The following PAK3 variants were observed in gnomAD, a reference collection of about 807,000 sequenced individuals.
PAK3 encodes the protein p21 (RAC1) activated kinase 3.
PAK3 carries 4 observed loss-of-function variants against 41.0 expected under a neutral mutation model. The observed-to-expected ratio is 0.10, with a 90% CI of 0.05 to 0.22. The LOEUF (loss-of-function observed/expected upper bound fraction) is 0.22, where lower values mean the gene tolerates loss of function less well. Among genes scored for constraint, PAK3 ranks in the 10% least tolerant of loss-of-function variants. The pLI is 1.00. For missense variants in PAK3, 205 were observed against 409.9 expected, an observed-to-expected ratio of 0.50 and a Z score of 4.32; for synonymous variants, 146 against 139.6, an observed-to-expected ratio of 1.05 and a Z score of -0.32.
intron 5 of PAK3, among the ~76,000 whole-genome samples, chrX:111,126,049 T>A (rs957490504): frequency 9.0e-6 from 1 of 111,482 alleles, no homozygotes; most frequent in Admixed American, 9.5e-5. Context: ...GGATTCGACT[T>A]CACTGACTCT....
chrX:111,208,519 T>G (rs1238571653), intron 16 of PAK3, among the ~76,000 whole-genome samples: 1 of 111,895 alleles, frequency 8.9e-6, no homozygotes, highest in Non-Finnish European at 1.9e-5. Flanking sequence ...TACTGTACTT[T>G]TTCTATTTTT....
rs778156732 is a variant in PAK3, at chrX:111,221,312, C to G, written c.*865C>G. ...TCCTTAATACCTGAAAGAGGACACA[C>G]TGAAACTGAAACTGTGACATCCTGC... is the stretch of plus-strand genomic sequence containing the variant. On this transcript the variant is annotated 3_prime_UTR_variant, in exon 18 of 18. Transcript: ENST00000372007. 5.2e-5 allele frequency: 5 copies of G among 96,628 alleles called. No homozygotes were observed. Among genetic ancestry groups the G allele is most frequent in the African/African-American group, 2.3e-4 (4 of 17,110 alleles). 8.0% of individuals were successfully genotyped at this position (96,628 alleles called of 1,213,427 possible).
At chrX:111,173,158 G>C (rs2094365883) in intron 11 of PAK3, 77 bp downstream of exon 11, 1 of 543,681 alleles carries the variant, frequency 1.8e-6, no homozygotes, top group African/African-American at 2.3e-5. Context: ...GTAAGAGCTT[G>C]GGTTTCTGGT....
intron 6 of PAK3, 88 bp from the exon 7 acceptor site, chrX:111,147,649 G>A: frequency 1.5e-6 from 1 of 649,324 alleles, no homozygotes; most frequent in South Asian, 2.2e-5. Flanking sequence ...AGGTAGCATG[G>A]GCTTCTTGGT....
chrX:110,965,168 C>T (rs988668441), intron 1 of PAK3, among the ~76,000 whole-genome samples: 1 of 112,491 alleles, frequency 8.9e-6, no homozygotes, highest in Non-Finnish European at 1.9e-5. Context: ...TTTCTGGCCA[C>T]AGTGAGGCTG....
At chrX:111,106,481 C>T (rs867698574) in intron 4 of PAK3, among the ~76,000 whole-genome samples, 2 of 111,548 alleles carry the variant, frequency 1.8e-5, no homozygotes, top group African/African-American at 6.5e-5. Context: ...CGTAATCCAC[C>T]ATGTACTCTT....
intron 1 of PAK3, among the ~76,000 whole-genome samples, chrX:111,004,939 T>C (rs1306466782): frequency 8.9e-6 from 1 of 112,373 alleles, no homozygotes; most frequent in Non-Finnish European, 1.9e-5. Context: ...GGAAAGATAC[T>C]AACAGCTCAC....
chrX:110,971,551 A>C (rs750552310), intron 1 of PAK3, among the ~76,000 whole-genome samples: 1 of 112,030 alleles, frequency 8.9e-6, no homozygotes, highest in Admixed American at 9.5e-5. Context: ...ATTGAGTTAC[A>C]AGAGTTCTTT....
At chrX:111,202,759 A>G (rs2094698094) in intron 16 of PAK3, among the ~76,000 whole-genome samples, 1 of 111,684 alleles carries the variant, frequency 9.0e-6, no homozygotes, top group Non-Finnish European at 1.9e-5. Flanking sequence ...GTTTTGATGG[A>G]ATTTGTTATT....
intron 1 of PAK3, 182 bp downstream of exon 1, chrX:111,096,597 A>C (rs1197822858): frequency 2.7e-5 from 3 of 110,819 alleles, no homozygotes; most frequent in Non-Finnish European, 5.7e-5. Flanking sequence ...AGCAGTTTGC[A>C]TGATCCCAGT....
At chrX:111,035,105 C>CAAAAAAAAAAAAAAAAAAA (rs533876214) in intron 1 of PAK3, among the ~76,000 whole-genome samples, 1 of 39,556 alleles carries the variant, frequency 2.5e-5, no homozygotes, top group African/African-American at 1.4e-4. Flanking sequence ...GACCCTGTCT[C>CAAAAAAAAAAAAAAAAAAA]AAAAAAAAAA....
intron 1 of PAK3, among the ~76,000 whole-genome samples, chrX:111,066,470 T>G (rs959329635): frequency 2.7e-5 from 3 of 112,230 alleles, no homozygotes; most frequent in Non-Finnish European, 3.8e-5. Context: ...TTATTGACAC[T>G]TGCTATGGCC....
At chrX:111,068,718 C>G (rs1298953841) in intron 1 of PAK3, among the ~76,000 whole-genome samples, 2 of 112,662 alleles carry the variant, frequency 1.8e-5, no homozygotes, top group Admixed American at 1.9e-4. Context: ...CCATGTTTTT[C>G]TCTGAATATT....
rs762215202 is a variant in PAK3, at chrX:111,219,033, T to C, written c.1546-1325T>C. ...GGTGAAATGCTGCCTCTACTAAAAA[T>C]ACAAAAATTAGCCAGGCATGGTGGC... On this transcript the variant is annotated intron_variant, in intron 17 of 17. Transcript: ENST00000372007. Among the ~76,000 whole-genome samples the C allele has an allele frequency of 6.5e-5, 7 of 108,095 alleles. No individual in the cohort carries two copies. In the South Asian group the frequency reaches 2.5e-3, roughly 39 times the overall value. The allele number at this position is 108,095 out of a possible 115,157, so 93.9% of individuals were successfully genotyped here.
intron 1 of PAK3, among the ~76,000 whole-genome samples, chrX:111,074,466 C>T (rs1019299789): frequency 7.2e-5 from 8 of 111,787 alleles, no homozygotes; most frequent in Non-Finnish European, 1.1e-4. Context: ...TCTTCTGCCA[C>T]GATTATAAGC....
intron 16 of PAK3, among the ~76,000 whole-genome samples, chrX:111,199,911 A>C (rs1299711312): frequency 8.9e-6 from 1 of 112,144 alleles, no homozygotes; most frequent in Non-Finnish European, 1.9e-5. Context: ...CTCAGTGCAG[A>C]AGTGAGCCAT....
chrX:111,090,125 A>G (rs1190880973), intron 1 of PAK3, among the ~76,000 whole-genome samples: 2 of 109,890 alleles, frequency 1.8e-5, no homozygotes, highest in Non-Finnish European at 3.8e-5. Context: ...CCCACAACCA[A>G]TCTCCCTCAA....
At chrX:111,131,762 G>A (rs1247122520) in intron 5 of PAK3, among the ~76,000 whole-genome samples, 1 of 111,935 alleles carries the variant, frequency 8.9e-6, no homozygotes, top group Non-Finnish European at 1.9e-5. Context: ...TCAGGGATTA[G>A]AACATGCTTT....
In PAK3 at chrX:111,195,871, A is replaced by G; in HGVS notation, c.1140A>G (p.Ser380=). The G allele has an allele frequency of 8.4e-7, 1 of 1,193,307 alleles. No individual in the cohort carries two copies. Residue 380 remains serine, a synonymous_variant, in exon 15 of 18, where the codon TCA becomes TCG. Coordinates refer to ENST00000372007, the MANE Select transcript of PAK3 (RefSeq NM_002578.5). The stretch of plus-strand genomic sequence containing the variant: ...TGCAAGCTTTGGATTTCCTGCACTC[A>G]AACCAGGTGATCCATAGAGATATAA... ...ECLQALDFLH[S]NQVIHRDIKS...
Sources: allele counts gnomAD v4.1 joint callset (sites outside exome capture counted in the v4.1 genomes callset), GRCh38; gene constraint gnomAD v4.1.1; transcripts MANE v1.5; gene names NCBI Gene and HGNC (gene_info 2026-07-23, HGNC 2026-07-21).